ZNF169: variants seen among roughly 807,000 people sequenced by gnomAD.
The protein encoded by ZNF169 is zinc finger protein 169.
ZNF169 carries 11 observed loss-of-function variants against 12.0 expected under a neutral mutation model. The ratio of observed to expected loss-of-function variants is 0.92; its 90% confidence interval spans 0.58 to 1.52. The LOEUF is 1.52. Ranked by LOEUF, ZNF169 falls within the 40% of genes most tolerant of loss-of-function variation. The pLI is 0.00. For synonymous variants in ZNF169, 302 were observed against 286.5 expected, an observed-to-expected ratio of 1.05 and a Z score of -0.55; for missense variants, 722 against 744.0, an observed-to-expected ratio of 0.97 and a Z score of 0.34.
At chr9:94,286,788 G>C (rs1370989676) in intron 2 of ZNF169, among the ~76,000 whole-genome samples, 1 of 152,106 alleles carries the variant, frequency 6.6e-6, no homozygotes, top group Non-Finnish European at 1.5e-5. Flanking sequence ...TCGTGCAAGG[G>C]CAAAGAAACA....
rs771067225 is a variant in ZNF169, at chr9:94,301,301, G to A, written c.1743G>A (p.Gln581=). 1 of 1,614,244 alleles carries A rather than the reference G, an allele frequency of 6.2e-7. No individual in the cohort carries two copies. Among genetic ancestry groups the A allele is most frequent in the Middle Eastern group, 1.6e-4 (1 of 6,062 alleles). The change falls in exon 5 of 5, where the codon CAG becomes CAA. Residue 581 remains glutamine (Q), a synonymous_variant. Coordinates refer to ENST00000395395, the MANE Select transcript of ZNF169 (RefSeq NM_194320.4). ...VCRECGRGFS[Q]KSHLHRHRRT... Reference sequence around the variant, plus strand: ...GGGAGTGTGGGCGTGGCTTTAGCCAGAAGTCTCACTTGCATAGACACAGGA... The same window carrying A: ...GGGAGTGTGGGCGTGGCTTTAGCCAAAAGTCTCACTTGCATAGACACAGGA...
intron 1 of ZNF169, among the ~76,000 whole-genome samples, chr9:94,277,825 G>A (rs909372449): frequency 2.0e-5 from 3 of 151,624 alleles, no homozygotes; most frequent in Admixed American, 6.6e-5. Context: ...CCAGCTACTC[G>A]GGAGGCTGAG....
chr9:94,268,747 C>G (rs561782711), intron 1 of ZNF169, among the ~76,000 whole-genome samples: 2 of 149,500 alleles, frequency 1.3e-5, no homozygotes, highest in Non-Finnish European at 3.0e-5. Flanking sequence ...GATCACACCA[C>G]CGCACTCCAG....
chr9:94,268,413 A>G (rs1830330211), intron 1 of ZNF169, among the ~76,000 whole-genome samples: 1 of 152,206 alleles, frequency 6.6e-6, no homozygotes, highest in African/African-American at 2.4e-5. Context: ...GCCCAAAGAA[A>G]GCCAAACATG....
chr9:94,301,224 G>T lies in ZNF169; in HGVS notation c.1666G>T (p.Ala556Ser). The change falls in exon 5 of 5, where the codon GCC becomes TCC. Residue 556 changes from alanine (A) to serine (S), a missense_variant. Transcript: ENST00000395395. ...TGGGCGCGGCTTTGGCTTTAAGTCT[G>T]CCCTCATCCGACATCAGCGGACCCA... is the stretch of plus-strand genomic sequence containing the variant. ...ECGRGFGFKSALIRHQRTHSG... is the reference protein window; with the variant it reads ...ECGRGFGFKSSLIRHQRTHSG... 1 of 1,613,300 alleles carries T rather than the reference G, an allele frequency of 6.2e-7. No homozygotes were observed. Among genetic ancestry groups the T allele is most frequent in the East Asian group, 2.2e-5 (1 of 44,746 alleles).
rs531012851 is a variant in ZNF169 at position 94,300,412 on chromosome 9, C to A, written c.854C>A (p.Ser285Ter). 2 of 1,613,428 alleles carry A rather than the reference C, an allele frequency of 1.2e-6. No individual in the cohort carries two copies. The highest frequency in any genetic ancestry group is 1.7e-4 in the Middle Eastern group (1 of 6,060). The change falls in exon 5 of 5, where the codon TCG becomes TAG. Residue 285 changes from serine to a stop codon, truncating the protein, a stop_gained. Coordinates refer to ENST00000395395, the MANE Select transcript of ZNF169 (RefSeq NM_194320.4). LOFTEE classifies it low-confidence loss of function (END_TRUNC). The stretch of plus-strand genomic sequence containing the variant: ...CTCTCCATACACCAGAGGAAGCACT[C>A]GGGGGAGAAGCCGTATGTGTGCAGG... ...ASLSIHQRKHSGEKPYVCREC... is the reference protein window; with the variant it reads ...ASLSIHQRKH
chr9:94,279,112 A>G (rs1286002943), intron 2 of ZNF169, among the ~76,000 whole-genome samples: 1 of 152,100 alleles, frequency 6.6e-6, no homozygotes, highest in Non-Finnish European at 1.5e-5. Flanking sequence ...GAAGGCCTAC[A>G]AAAGTATAGT....
At chr9:94,292,810 T>G (rs753085777) in intron 3 of ZNF169, among the ~76,000 whole-genome samples, 164 bp from the exon 4 acceptor site, 2 of 151,996 alleles carry the variant, frequency 1.3e-5, no homozygotes, top group Non-Finnish European at 2.9e-5. Flanking sequence ...TAGGATCCCC[T>G]CCCTGTATGC....
intron 1 of ZNF169, among the ~76,000 whole-genome samples, chr9:94,275,962 CAG>C (rs1327984799): frequency 6.6e-6 from 1 of 151,752 alleles, no homozygotes; most frequent in African/African-American, 2.4e-5. Flanking sequence ...TTAGTAGAGA[CAG>C]GGTTTCACCA....
chr9:94,276,260 T>C lies in ZNF169; in HGVS notation c.-55-2498T>C, dbSNP rs556552829. On this transcript the variant is annotated intron_variant, in intron 1 of 4. Coordinates refer to ENST00000395395, the MANE Select transcript of ZNF169 (RefSeq NM_194320.4). Reference sequence around the variant, plus strand: ...ACAAGGTTCACACATTACAGTTGATTGGGGTCTCTTTTTTTTGTTCTTTGA... The same window carrying C: ...ACAAGGTTCACACATTACAGTTGATCGGGGTCTCTTTTTTTTGTTCTTTGA... 1.2e-4 allele frequency among the ~76,000 whole-genome samples: 18 copies of C among 152,174 alleles called. 1 individual carries two copies. The South Asian group carries it at 1.5e-3, about 12-fold the overall frequency.
chr9:94,296,492 A>G (rs1358268535), intron 4 of ZNF169, among the ~76,000 whole-genome samples: 1 of 152,178 alleles, frequency 6.6e-6, no homozygotes, highest in Non-Finnish European at 1.5e-5. Context: ...ACAATTTTTA[A>G]TTACATTTAG....
rs200904172 is a variant in ZNF169, at chr9:94,300,041, T to C, written c.483T>C (p.Ser161=). ...TAAGAAAGAGGCCAAGCAGAATTTC[T>C]AGGACATTCTTCAGCCCACATCAAG... ...SSLRKRPSRI[S]RTFFSPHQGD... The change falls in exon 5 of 5, where the codon TCT becomes TCC. Residue 161 remains serine, a synonymous_variant. Transcript: ENST00000395395. 6.2e-6 allele frequency: 10 copies of C among 1,614,036 alleles called. No homozygotes were observed. The highest frequency in any genetic ancestry group is 2.2e-5 in the South Asian group (2 of 91,074).
chr9:94,283,548 A>T (rs1830675385), intron 2 of ZNF169, among the ~76,000 whole-genome samples: 3 of 152,198 alleles, frequency 2.0e-5, no homozygotes, highest in African/African-American at 7.2e-5. Context: ...TTGGTGAAGA[A>T]ATAAGCTGCT....
At chr9:94,271,338 C>T (rs1830417624) in intron 1 of ZNF169, among the ~76,000 whole-genome samples, 1 of 151,832 alleles carries the variant, frequency 6.6e-6, no homozygotes, top group South Asian at 2.1e-4. Context: ...TTCAAGCAAT[C>T]CACCTGCCTC....
chr9:94,287,650 C>G (rs1161339443), intron 2 of ZNF169: 7 of 772,858 alleles, frequency 9.1e-6, no homozygotes. Context: ...AGGCATGAGC[C>G]ACTGTGCCCG....
chr9:94,292,942 A>C, intron 3 of ZNF169, 32 bp from the exon 4 acceptor site: 1 of 1,578,650 alleles, frequency 6.3e-7, no homozygotes, highest in Non-Finnish European at 8.6e-7. Context: ...CACTAACTCA[A>C]GATCACCTTG....
intron 2 of ZNF169, among the ~76,000 whole-genome samples, chr9:94,291,340 T>C (rs3118750): frequency 0.86 from 131,270 of 152,100 alleles, 58,195 homozygotes; most frequent in East Asian, 0.99. Flanking sequence ...ATGTGAGCCA[T>C]TGCATCTGGC....
chr9:94,292,061 C>T (rs1057305321), intron 2 of ZNF169, among the ~76,000 whole-genome samples: 7 of 152,212 alleles, frequency 4.6e-5, no homozygotes, highest in African/African-American at 1.2e-4. Context: ...TGAGAGGAAT[C>T]GGTTTACCTG....
chr9:94,274,570 A>G (rs759860550), intron 1 of ZNF169, among the ~76,000 whole-genome samples: 18 of 152,206 alleles, frequency 1.2e-4, no homozygotes, highest in Admixed American at 3.9e-4. Context: ...CAATAAACCC[A>G]TTGTAAGTTG....
Sources: allele counts gnomAD v4.1 joint callset (sites outside exome capture counted in the v4.1 genomes callset), GRCh38; gene constraint gnomAD v4.1.1; transcripts MANE v1.5; gene names NCBI Gene and HGNC (gene_info 2026-07-23, HGNC 2026-07-21).